The following TDRD10 variants were observed in gnomAD, a reference collection of about 807,000 sequenced individuals.
TDRD10 encodes the protein tudor domain containing 10.
TDRD10 carries 40 observed loss-of-function variants against 48.0 expected under a neutral mutation model. That is an observed-to-expected ratio of 0.83 (90% confidence interval 0.65 to 1.09). The LOEUF is 1.09. Ranked by LOEUF, TDRD10 falls within the 50% of genes least tolerant of loss-of-function variation. The pLI is 0.00. For synonymous variants in TDRD10, 162 were observed against 170.4 expected (o/e 0.95, Z 0.38); for missense variants, 378 against 434.7 (o/e 0.87, Z 1.16).
At chr1:154,547,050 T>C (rs916399986) in intron 11 of TDRD10, among the ~76,000 whole-genome samples, 3 of 152,164 alleles carry the variant, frequency 2.0e-5, no homozygotes, top group African/African-American at 7.2e-5. Context: ...TGAAAACCTC[T>C]CTGGTTTTAA....
intron 1 of TDRD10, among the ~76,000 whole-genome samples, 169 bp downstream of exon 1, chr1:154,503,198 T>C (rs1489078666): frequency 1.3e-5 from 2 of 152,048 alleles, no homozygotes; most frequent in African/African-American, 4.8e-5. Flanking sequence ...CCTCCTAGTC[T>C]GGATTTGTGC....
At position 154,542,800 on chromosome 1, in the gene TDRD10, T is replaced by C. The variant is rs1236360490; in HGVS notation, c.482T>C (p.Phe161Ser). The C allele has an allele frequency of 6.2e-7, 1 of 1,613,720 alleles. No individual in the cohort carries two copies. The highest frequency in any genetic ancestry group is 2.2e-5 in the East Asian group (1 of 44,882). Reference sequence around the variant, plus strand: ...ACAGAGAAACTGAGGGCAGCCTTCTTTGCAGTCCCGTTGGAAATGAGGTGA... The same window carrying C: ...ACAGAGAAACTGAGGGCAGCCTTCTCTGCAGTCCCGTTGGAAATGAGGTGA... ...CETEKLRAAF[F>S]AVPLEMRGSF... The change falls in exon 8 of 13, where the codon TTT (phenylalanine) becomes TCT (serine). Residue 161 changes from phenylalanine to serine, a missense_variant. Physicochemically the swap from Phe to Ser is radical, Grantham distance 155 (BLOSUM62 -2). This residue lies in a region of TDRD10 where 310 missense variants were observed against 323.6 expected (regional missense o/e 0.96). Transcript: ENST00000368482.
intron 6 of TDRD10, among the ~76,000 whole-genome samples, chr1:154,539,884 C>T (rs922216744): frequency 2.6e-5 from 4 of 152,094 alleles, no homozygotes; most frequent in African/African-American, 9.7e-5. Context: ...TAGGGGGGCC[C>T]CCAATGCCAG....
Position 154,520,337 on chromosome 1 carries a change from C to G in TDRD10, c.175C>G (p.Pro59Ala), listed in dbSNP as rs780662400. 6.2e-7 allele frequency: 1 copy of G among 1,613,822 alleles called. No homozygotes were observed. The highest frequency in any genetic ancestry group is 8.5e-7 in the Non-Finnish European group (1 of 1,179,796). ...EILYLLKDFNPLDVHKIQNGC... is the reference protein window; with the variant it reads ...EILYLLKDFNALDVHKIQNGC... Reference sequence around the variant, plus strand: ...TCTGTACCTTCTAAAGGACTTCAACCCTCTTGATGTCCACAAAATCCAGAA... The same window carrying G: ...TCTGTACCTTCTAAAGGACTTCAACGCTCTTGATGTCCACAAAATCCAGAA... Residue 59 changes from proline to alanine, a missense_variant, in exon 5 of 13, where the codon CCT becomes GCT. Coordinates refer to ENST00000368482, the MANE Select transcript of TDRD10 (RefSeq NM_182499.4).
chr1:154,543,431 A>G (rs1389607999), intron 8 of TDRD10, among the ~76,000 whole-genome samples: 2 of 152,194 alleles, frequency 1.3e-5, no homozygotes, highest in East Asian at 3.8e-4. Flanking sequence ...TAATGTCAAG[A>G]GTGCCAGAAT....
At position 154,547,828 on chromosome 1, in the gene TDRD10, G is replaced by A; in HGVS notation, c.*118G>A. On this transcript the variant is annotated 3_prime_UTR_variant, in exon 13 of 13. Transcript: ENST00000368482. ...TGGGAGGTGAAAAAGGCCAGACTGTGCCCAGGATTGATTCAATTTTGCTTT... is the reference window on the plus strand; with the variant it reads ...TGGGAGGTGAAAAAGGCCAGACTGTACCCAGGATTGATTCAATTTTGCTTT... 1 of 1,267,626 alleles carries A rather than the reference G, an allele frequency of 7.9e-7. No homozygotes were observed. The highest frequency in any genetic ancestry group is 1.1e-6 in the Non-Finnish European group (1 of 889,426). The allele number at this position is 1,267,626 out of a possible 1,614,324, so 78.5% of individuals were successfully genotyped here.
At chr1:154,520,990 T>G (rs1694025508) in intron 5 of TDRD10, among the ~76,000 whole-genome samples, 1 of 152,204 alleles carries the variant, frequency 6.6e-6, no homozygotes, top group South Asian at 2.1e-4. Context: ...CCGCCTGTCT[T>G]GGCCTCCCAA....
chr1:154,544,505 A>C lies in TDRD10; in HGVS notation c.785A>C (p.His262Pro). 6.2e-7 allele frequency: 1 copy of C among 1,613,914 alleles called. No homozygotes were observed. Among genetic ancestry groups the C allele is most frequent in the African/African-American group, 1.3e-5 (1 of 75,036 alleles). ...LAEYHLGDYG[H>P]AWNRCWVLDR... is the part of the protein sequence containing the mutation. ...GAGTACCACCTGGGGGATTATGGAC[A>C]CGCCTGGAACAGGTGTGTGCCTGGG... Residue 262 changes from histidine (H) to proline (P), a missense_variant, in exon 10 of 13, where the codon CAC becomes CCC. His to Pro is a moderately conservative substitution (Grantham distance 77, BLOSUM62 -2). Around this residue, in one of 2 missense-constraint regions of TDRD10, gnomAD observed 310 missense variants for 323.6 expected, o/e 0.96. Transcript: ENST00000368482.
In TDRD10 at chr1:154,502,898, G is replaced by A. The variant is rs1396389308; in HGVS notation, c.-159G>A. ...GGCAGCGCGAGGCTCTTCCCGCCGTGGCCGCCGGGGATTGGCTGCCGGCAA... is the reference window on the plus strand; with the variant it reads ...GGCAGCGCGAGGCTCTTCCCGCCGTAGCCGCCGGGGATTGGCTGCCGGCAA... On this transcript the variant is annotated 5_prime_UTR_variant, in exon 1 of 13. Transcript: ENST00000368482. The A allele has an allele frequency of 6.6e-6, 1 of 152,292 alleles. No individual in the cohort carries two copies. Among genetic ancestry groups the A allele is most frequent in the African/African-American group, 2.4e-5 (1 of 41,454 alleles). 9.4% of individuals were successfully genotyped at this position (152,292 alleles called of 1,614,324 possible).
chr1:154,544,376 T>C lies in TDRD10; in HGVS notation c.656T>C (p.Leu219Pro). ...GTTGCGTTTTGCACCCCACAGGCTC[T>C]GCACCAGAACATGCAGGCTCTGTTT... ...FFWAMHVTEA[L>P]HQNMQALFST... Residue 219 changes from leucine (L) to proline (P), a missense_variant, in exon 10 of 13, where the codon CTG (leucine) becomes CCG (proline). Leu to Pro is a moderately conservative substitution (Grantham distance 98). Transcript: ENST00000368482. The C allele has an allele frequency of 6.3e-7, 1 of 1,583,344 alleles. No homozygotes were observed. Among genetic ancestry groups the C allele is most frequent in the Non-Finnish European group, 8.6e-7 (1 of 1,164,752 alleles).
intron 9 of TDRD10, 127 bp from the exon 10 acceptor site, chr1:154,544,243 TTC>T (rs1695422313): frequency 1.4e-5 from 22 of 1,545,070 alleles, no homozygotes; most frequent in Non-Finnish European, 1.9e-5. Flanking sequence ...TTCAGTCTCG[TTC>T]TCTCTCCCAC....
intron 4 of TDRD10, chr1:154,509,702 T>C (rs1693337830): frequency 2.3e-6 from 1 of 430,316 alleles, no homozygotes; most frequent in African/African-American, 2.2e-5. Flanking sequence ...ATCCAATAAA[T>C]GAAATCATAT....
At chr1:154,507,765 C>T (rs947284143) in intron 3 of TDRD10, among the ~76,000 whole-genome samples, 1 of 152,208 alleles carries the variant, frequency 6.6e-6, no homozygotes, top group African/African-American at 2.4e-5. Flanking sequence ...TCTCTCACCA[C>T]TCACTGCATG....
intron 1 of TDRD10, among the ~76,000 whole-genome samples, chr1:154,505,053 T>C (rs1167231880): frequency 6.6e-6 from 1 of 152,142 alleles, no homozygotes; most frequent in Non-Finnish European, 1.5e-5. Flanking sequence ...AAACAATAGA[T>C]TGGAAGGAAA....
intron 4 of TDRD10, among the ~76,000 whole-genome samples, chr1:154,515,557 G>T (rs946776235): frequency 2.0e-5 from 3 of 152,170 alleles, no homozygotes; most frequent in African/African-American, 7.2e-5. Context: ...CTGCCATAGG[G>T]CCTTGCACCT....
At chr1:154,513,689 A>G (rs1393150929) in intron 4 of TDRD10, among the ~76,000 whole-genome samples, 1 of 152,200 alleles carries the variant, frequency 6.6e-6, no homozygotes, top group Non-Finnish European at 1.5e-5. Flanking sequence ...CTATACTTTA[A>G]AAACCACCTA....
At chr1:154,541,847 C>G (rs1695250577) in intron 6 of TDRD10, 177 bp from the exon 7 acceptor site, 1 of 575,948 alleles carries the variant, frequency 1.7e-6, no homozygotes, top group Non-Finnish European at 3.0e-6. Flanking sequence ...TGGGTTGGCT[C>G]AGGATGCCGT....
At chr1:154,508,153 C>T (rs1055824599) in intron 3 of TDRD10, among the ~76,000 whole-genome samples, 1 of 152,214 alleles carries the variant, frequency 6.6e-6, no homozygotes, top group Middle Eastern at 3.4e-3. Flanking sequence ...ACAGTATAGC[C>T]ATTCAGTGTT....
At chr1:154,503,648 A>G (rs1692957039) in intron 1 of TDRD10, among the ~76,000 whole-genome samples, 1 of 152,170 alleles carries the variant, frequency 6.6e-6, no homozygotes. Flanking sequence ...AGAAATTTAA[A>G]CTTAGTTTAC....
Sources: allele counts gnomAD v4.1 joint callset (sites outside exome capture counted in the v4.1 genomes callset), GRCh38; gene constraint gnomAD v4.1.1; regional missense constraint gnomAD v4.1.1; transcripts MANE v1.5; gene names NCBI Gene and HGNC (gene_info 2026-07-23, HGNC 2026-07-21).